Variants in SNX14 observed in about 807,000 individuals in gnomAD.
SNX14 encodes sorting nexin 14.
SNX14 carries 93 observed loss-of-function variants against 133.8 expected under a neutral mutation model. That is an observed-to-expected ratio of 0.70 (90% confidence interval 0.59 to 0.83). SNX14 has a LOEUF of 0.83. Ranked by LOEUF, SNX14 falls within the 40% of genes least tolerant of loss-of-function variation. SNX14 has a pLI of 0.00. For synonymous variants in SNX14, 368 were observed against 365.6 expected, an observed-to-expected ratio of 1.01 and a Z score of -0.07; for missense variants, 945 against 1,094.9, an observed-to-expected ratio of 0.86 and a Z score of 1.93.
chr6:85,530,418 G>A, intron 18 of SNX14, 143 bp from the exon 19 acceptor site: 5 of 482,226 alleles, frequency 1.0e-5, no homozygotes, highest in Non-Finnish European at 1.8e-5. Context: ...GCCAAGGTGG[G>A]TGGATCATTT....
intron 4 of SNX14, 58 bp downstream of exon 4, chr6:85,572,078 GA>G: frequency 6.9e-7 from 1 of 1,451,666 alleles, no homozygotes; most frequent in Non-Finnish European, 9.4e-7. Context: ...AAAAATTCTG[GA>G]AAATTTTTCC....
Position 85,507,996 on chromosome 6 carries a change from C to T in SNX14, c.2717G>A (p.Gly906Asp). The change falls in exon 27 of 29, where the codon GGC becomes GAC. Residue 906 changes from glycine (G) to aspartate (D), a missense_variant. Gly to Asp is a moderately conservative substitution (Grantham distance 94, BLOSUM62 -1). Coordinates refer to ENST00000314673, the MANE Select transcript of SNX14 (RefSeq NM_153816.6). ...CTTGTTGAGTACTGGTTGCTGTAAGCCATCAAACAGAAGTCTGATGCTTTC... is the reference window on the plus strand; with the variant it reads ...CTTGTTGAGTACTGGTTGCTGTAAGTCATCAAACAGAAGTCTGATGCTTTC... The part of the protein sequence containing the change: ...KYESIRLLFD[G>D]LQQPVLNKQL... 1 of 1,613,402 alleles carries T rather than the reference C, an allele frequency of 6.2e-7. No homozygotes were observed. The highest frequency in any genetic ancestry group is 2.2e-5 in the East Asian group (1 of 44,826).
chr6:85,588,841 A>G (rs748057443), intron 1 of SNX14: 13 of 453,982 alleles, frequency 2.9e-5, no homozygotes, highest in Non-Finnish European at 4.0e-5. Context: ...AGAATATCAT[A>G]AGGAAGAGAA....
intron 19 of SNX14, among the ~76,000 whole-genome samples, chr6:85,529,052 G>GAA (rs764123650): frequency 9.6e-6 from 1 of 104,196 alleles, no homozygotes; most frequent in Non-Finnish European, 2.0e-5. Context: ...ACTCACCTCA[G>GAA]AAAAAAAAAA....
At chr6:85,516,145 C>T (rs1231295988) in intron 23 of SNX14, among the ~76,000 whole-genome samples, 1 of 152,110 alleles carries the variant, frequency 6.6e-6, no homozygotes, top group Admixed American at 6.5e-5. Flanking sequence ...CTTTATGTTG[C>T]TTTATAGTTT....
At chr6:85,535,497 C>A (rs6454473) in intron 17 of SNX14, among the ~76,000 whole-genome samples, 1 of 151,028 alleles carries the variant, frequency 6.6e-6, no homozygotes, top group Non-Finnish European at 1.5e-5. Flanking sequence ...GCGCCTGCAA[C>A]CCCAGCTACT....
At chr6:85,572,046 T>A in intron 4 of SNX14, 91 bp downstream of exon 4, 1 of 1,043,672 alleles carries the variant, frequency 9.6e-7, no homozygotes, top group Non-Finnish European at 1.4e-6. Flanking sequence ...ATTAAGATGC[T>A]CCATGATTAA....
intron 26 of SNX14, among the ~76,000 whole-genome samples, chr6:85,511,047 T>A (rs879892079): frequency 6.6e-6 from 1 of 152,220 alleles, no homozygotes; most frequent in Non-Finnish European, 1.5e-5. Context: ...AATATTTCTA[T>A]CCACATAAAA....
intron 4 of SNX14, among the ~76,000 whole-genome samples, chr6:85,569,418 C>G (rs547069576): frequency 8.5e-5 from 13 of 152,282 alleles, no homozygotes; most frequent in African/African-American, 3.1e-4. Context: ...CATATCAAAC[C>G]TGAATATATG....
rs779657770 is a variant in SNX14, at chr6:85,547,295, T to C, written c.993+22A>G. 9 of 1,612,022 alleles carry C rather than the reference T, an allele frequency of 5.6e-6. No individual in the cohort carries two copies. The East Asian group carries it at 2.0e-4, about 36-fold the overall frequency. On this transcript the variant is annotated intron_variant, in intron 11 of 28. Transcript: ENST00000314673. ...TCTAAAATTGTTTATATCAAAAAGG[T>C]GTTATTGCTGAAAATTCTTACAGAT...
intron 1 of SNX14, among the ~76,000 whole-genome samples, chr6:85,586,535 T>C (rs1224705330): frequency 6.6e-6 from 1 of 152,206 alleles, no homozygotes; most frequent in Non-Finnish European, 1.5e-5. Flanking sequence ...AACCAATTAT[T>C]GTTAATTTTG....
intron 5 of SNX14, 35 bp from the exon 6 acceptor site, chr6:85,565,454 C>G: frequency 6.8e-7 from 1 of 1,462,982 alleles, no homozygotes; most frequent in Non-Finnish European, 9.4e-7. Context: ...TTCAGAAGTT[C>G]AGAGAAATAC....
intron 12 of SNX14, among the ~76,000 whole-genome samples, chr6:85,545,113 T>A (rs1484508819): frequency 6.6e-6 from 1 of 152,132 alleles, no homozygotes; most frequent in Non-Finnish European, 1.5e-5. Flanking sequence ...AAAATGTTTT[T>A]AAATTAGGAC....
chr6:85,536,667 TAAA>T, intron 17 of SNX14, 122 bp downstream of exon 17: 1 of 818,006 alleles, frequency 1.2e-6, no homozygotes, highest in South Asian at 2.7e-5. Flanking sequence ...AGTAAGAAGA[TAAA>T]GGTAAAGTAT....
At chr6:85,579,433 C>T (rs770986365) in intron 1 of SNX14, among the ~76,000 whole-genome samples, 7 of 152,182 alleles carry the variant, frequency 4.6e-5, no homozygotes, top group Non-Finnish European at 1.0e-4. Flanking sequence ...CAAAAAAAAC[C>T]TTCATAAGAA....
intron 7 of SNX14, 96 bp downstream of exon 7, chr6:85,557,880 G>A (rs903662675): frequency 4.2e-6 from 3 of 719,046 alleles, no homozygotes; most frequent in Non-Finnish European, 7.3e-6. Flanking sequence ...CTGTGAATAT[G>A]TAAGTTAATT....
Position 85,533,607 on chromosome 6 carries a change from C to G in SNX14, c.1802G>C (p.Arg601Thr), listed in dbSNP as rs1039851330. The change falls in exon 18 of 29, where the codon AGA (arginine) becomes ACA (threonine). Residue 601 changes from arginine (R) to threonine (T), a missense_variant. This residue lies in a region of SNX14 where 412 missense variants were observed against 516.6 expected (regional missense o/e 0.80). Coordinates refer to ENST00000314673, the MANE Select transcript of SNX14 (RefSeq NM_153816.6). ...VFCIDVERND[R>T]RAVGHEPEHW... Reference sequence around the variant, plus strand: ...CTCAGAAAGCTTCCTACCTGCTCTTCTATCATTTCTTTCAACATCAATACA... The same window carrying G: ...CTCAGAAAGCTTCCTACCTGCTCTTGTATCATTTCTTTCAACATCAATACA... 13 of 1,612,796 alleles carry G rather than the reference C, an allele frequency of 8.1e-6. No homozygotes were observed. Among genetic ancestry groups the G allele is most frequent in the Non-Finnish European group, 1.1e-5 (13 of 1,179,900 alleles).
intron 7 of SNX14, among the ~76,000 whole-genome samples, chr6:85,550,993 C>G (rs1787631981): frequency 6.6e-6 from 1 of 152,102 alleles, no homozygotes; most frequent in South Asian, 2.1e-4. Flanking sequence ...GTTGGCCAGG[C>G]TGGTCTGGAA....
intron 6 of SNX14, among the ~76,000 whole-genome samples, chr6:85,563,362 T>C (rs530193377): frequency 4.6e-5 from 7 of 152,286 alleles, no homozygotes; most frequent in Middle Eastern, 3.4e-3. Context: ...ATGATACAAA[T>C]ATGCACAAAA....
Sources: allele counts gnomAD v4.1 joint callset (sites outside exome capture counted in the v4.1 genomes callset), GRCh38; gene constraint gnomAD v4.1.1; regional missense constraint gnomAD v4.1.1; transcripts MANE v1.5; gene names NCBI Gene and HGNC (gene_info 2026-07-23, HGNC 2026-07-21).